Variants in JADE3 observed in about 807,000 individuals in gnomAD.
The protein encoded by JADE3 is jade family PHD finger 3.
JADE3 carries 2 observed loss-of-function variants against 50.1 expected under a neutral mutation model. The ratio of observed to expected loss-of-function variants is 0.04; its 90% CI spans 0.02 to 0.13. The LOEUF (loss-of-function observed/expected upper bound fraction) is 0.13, where lower values mean the gene tolerates loss of function less well. JADE3 is among the 10% of genes least tolerant of loss of function. The pLI is 1.00. For missense variants in JADE3, 475 were observed against 634.4 expected, an observed-to-expected ratio of 0.75 and a Z score of 2.70; for synonymous variants, 218 against 232.9, an observed-to-expected ratio of 0.94 and a Z score of 0.58.
intron 1 of JADE3, among the ~76,000 whole-genome samples, chrX:46,937,330 T>C (rs1556341287): frequency 1.8e-5 from 2 of 111,418 alleles, no homozygotes; most frequent in East Asian, 5.6e-4. Context: ...GGAAGGTTTG[T>C]TTTATGATCT....
intron 3 of JADE3, among the ~76,000 whole-genome samples, chrX:46,995,664 G>A (rs868935878): frequency 1.2e-4 from 13 of 111,765 alleles, no homozygotes; most frequent in Middle Eastern, 9.3e-3. Context: ...TATCAAAAGC[G>A]GGTTAATGAG....
In JADE3 at chrX:47,060,243, G is replaced by GA. The variant is rs1317949419; in HGVS notation, c.*1166_*1167insA. The GA allele has an allele frequency of 9.8e-6, 1 of 102,252 alleles. No homozygotes were observed. The highest frequency in any genetic ancestry group is 5.4e-4 in the South Asian group (1 of 1,839). 8.4% of individuals were successfully genotyped at this position (102,252 alleles called of 1,213,427 possible). On this transcript the variant is annotated 3_prime_UTR_variant, in exon 11 of 11. Coordinates refer to ENST00000614628, the MANE Select transcript of JADE3 (RefSeq NM_014735.5). ...AAGAGAATAATTACATTTGCGGGGG[G>GA]GGGGGTGGATAAAAACATGTCTGCT...
intron 1 of JADE3, among the ~76,000 whole-genome samples, chrX:46,951,596 A>AAAAAC (rs1359955591): frequency 1.9e-5 from 2 of 107,271 alleles, no homozygotes; most frequent in East Asian, 5.9e-4. Flanking sequence ...AAAAAAAAAA[A>AAAAAC]AAAATTATCA....
chrX:47,028,397 C>G (rs782296241), intron 6 of JADE3, among the ~76,000 whole-genome samples: 1 of 109,893 alleles, frequency 9.1e-6, no homozygotes, highest in Non-Finnish European at 1.9e-5. Context: ...CCAGGGGGAT[C>G]TCATTGCTGC....
chrX:46,971,021 G>C (rs145989584), intron 1 of JADE3, among the ~76,000 whole-genome samples: 196 of 109,517 alleles, frequency 1.8e-3, no homozygotes, highest in African/African-American at 6.1e-3. Context: ...ATCTGCAAAT[G>C]GTATTTTATC....
intron 3 of JADE3, among the ~76,000 whole-genome samples, 171 bp downstream of exon 3, chrX:46,985,963 GGTAA>G (rs782004024): frequency 9.0e-6 from 1 of 111,176 alleles, no homozygotes; most frequent in Non-Finnish European, 1.9e-5. Flanking sequence ...AGAGCAGGGG[GGTAA>G]GTGAGTTTTT....
intron 1 of JADE3, among the ~76,000 whole-genome samples, chrX:46,916,944 C>A (rs1198784389): frequency 1.8e-5 from 2 of 111,476 alleles, no homozygotes; most frequent in Non-Finnish European, 3.8e-5. Context: ...TTCTCTGAGG[C>A]CTGCTCTTAG....
chrX:46,918,269 G>C (rs1378170259), intron 1 of JADE3, among the ~76,000 whole-genome samples: 1 of 111,899 alleles, frequency 8.9e-6, no homozygotes, highest in East Asian at 2.8e-4. Context: ...TTGTTGTTCA[G>C]TGTTAGAAAT....
At chrX:47,045,448 A>G (rs1929350958) in intron 8 of JADE3, among the ~76,000 whole-genome samples, 2 of 112,788 alleles carry the variant, frequency 1.8e-5, no homozygotes, top group Admixed American at 9.4e-5. Context: ...TCAATAAAAT[A>G]ATAGCTAGAG....
intron 8 of JADE3, among the ~76,000 whole-genome samples, chrX:47,041,571 C>T (rs1456387653): frequency 1.8e-5 from 2 of 110,903 alleles, no homozygotes; most frequent in African/African-American, 6.6e-5. Context: ...TTTGTAGAGA[C>T]AGGATTTCGC....
chrX:46,923,386 T>G (rs1926270346), intron 1 of JADE3, among the ~76,000 whole-genome samples: 1 of 58,811 alleles, frequency 1.7e-5, no homozygotes, highest in African/African-American at 5.8e-5. Flanking sequence ...TCTCTCTCTC[T>G]CTCTCTCTTT....
intron 3 of JADE3, among the ~76,000 whole-genome samples, chrX:46,991,772 G>T (rs1928014248): frequency 9.0e-6 from 1 of 111,719 alleles, no homozygotes. Flanking sequence ...CTTGGCTCAA[G>T]GTCTCTTTGT....
At chrX:46,980,430 G>A (rs1927721810) in intron 1 of JADE3, among the ~76,000 whole-genome samples, 2 of 110,649 alleles carry the variant, frequency 1.8e-5, no homozygotes, top group African/African-American at 6.6e-5. Flanking sequence ...TGTGTAATAT[G>A]TGTAAATATT....
intron 5 of JADE3, among the ~76,000 whole-genome samples, chrX:47,027,559 A>C (rs971467355): frequency 1.2e-4 from 14 of 112,047 alleles, no homozygotes; most frequent in African/African-American, 4.5e-4. Context: ...AGCTTGGTGA[A>C]AGTCCTCCTA....
chrX:46,968,803 A>T (rs781828078), intron 1 of JADE3, among the ~76,000 whole-genome samples: 18 of 111,133 alleles, frequency 1.6e-4, no homozygotes, highest in African/African-American at 3.9e-4. Context: ...AACAGACCTG[A>T]ATTGAGAAAT....
Position 47,058,185 on chromosome X carries a change from C to T in JADE3, c.1580C>T (p.Ala527Val), listed in dbSNP as rs782784622. The change falls in exon 11 of 11, where the codon GCA becomes GTA. Residue 527 changes from alanine (A) to valine (V), a missense_variant. Physicochemically the swap from Ala to Val is moderately conservative, Grantham distance 64. Around this residue, in one of 6 missense-constraint regions of JADE3, gnomAD observed 243 missense variants for 238.2 expected, o/e 1.02. Transcript: ENST00000614628. ...EIDAGLPLTN[A>V]LENSLFYPPP... ...ATCTCAGGGCTTCCTTTGACAAATGCACTTGAAAACTCACTGTTTTACCCA... is the reference window on the plus strand; with the variant it reads ...ATCTCAGGGCTTCCTTTGACAAATGTACTTGAAAACTCACTGTTTTACCCA... 2.5e-6 allele frequency: 3 copies of T among 1,203,932 alleles called. No homozygotes were observed. The highest frequency in any genetic ancestry group is 1.8e-5 in the South Asian group (1 of 55,736).
chrX:47,022,939 G>A (rs1376261381), intron 4 of JADE3, among the ~76,000 whole-genome samples: 2 of 111,237 alleles, frequency 1.8e-5, no homozygotes, highest in Non-Finnish European at 3.8e-5. Flanking sequence ...GATTGAGTGT[G>A]CATAGCTCCA....
intron 1 of JADE3, among the ~76,000 whole-genome samples, chrX:46,929,425 T>C (rs1926445479): frequency 8.9e-6 from 1 of 112,219 alleles, no homozygotes; most frequent in Non-Finnish European, 1.9e-5. Context: ...ATTATGCCCC[T>C]TAGCCTCTTA....
chrX:46,979,666 C>T (rs1324245459), intron 1 of JADE3, among the ~76,000 whole-genome samples: 2 of 110,839 alleles, frequency 1.8e-5, no homozygotes, highest in African/African-American at 6.6e-5. Flanking sequence ...TTTACATTCC[C>T]ACAAGCCATG....
Sources: gnomAD v4.1 joint callset for allele counts (sites outside exome capture counted in the v4.1 genomes callset) on GRCh38, gnomAD v4.1.1 for gene constraint, gnomAD v4.1.1 regional missense constraint, MANE v1.5 for transcripts, NCBI Gene and HGNC (gene_info 2026-07-23, HGNC 2026-07-21) for gene names.